The following GALM variants were observed in gnomAD, a reference collection of about 807,000 sequenced individuals.
GALM encodes the protein galactose mutarotase, also known as aldose 1-epimerase.
GALM carries 43 observed loss-of-function variants against 37.4 expected under a neutral mutation model. The ratio of observed to expected loss-of-function variants is 1.15; its 90% confidence interval spans 0.90 to 1.48. The LOEUF is 1.48. Ranked by LOEUF, GALM falls within the 40% of genes most tolerant of loss-of-function variation. The probability of loss-of-function intolerance (pLI) is 0.00; values close to 1 mark genes in which losing one functional copy is unlikely to be tolerated. For synonymous variants in GALM, 199 were observed against 170.6 expected (o/e 1.17, Z -1.30); for missense variants, 456 against 419.1 (o/e 1.09, Z -0.77).
At chr2:38,666,962 A>G (rs1292593291) in intron 1 of GALM, among the ~76,000 whole-genome samples, 1 of 152,166 alleles carries the variant, frequency 6.6e-6, no homozygotes, top group Non-Finnish European at 1.5e-5. Context: ...CCCAGAATCC[A>G]TGGGCAATTA....
rs772152653 is a variant in GALM, at chr2:38,666,148, G to A, written c.-14G>A. ...TGAAGAGCGGGCAGTGGCTGCACAC[G>A]CCAAACTTTCCCTATGGCTTCGGTG... On this transcript the variant is annotated 5_prime_UTR_variant, in exon 1 of 7. Coordinates refer to ENST00000272252, the MANE Select transcript of GALM (RefSeq NM_138801.3). 7 of 1,604,760 alleles carry A rather than the reference G, an allele frequency of 4.4e-6. No individual in the cohort carries two copies. Among genetic ancestry groups the A allele is most frequent in the Admixed American group, 1.7e-5 (1 of 59,104 alleles).
chr2:38,700,290 T>C (rs1196573332), intron 4 of GALM, among the ~76,000 whole-genome samples: 1 of 152,152 alleles, frequency 6.6e-6, no homozygotes, highest in African/African-American at 2.4e-5. Flanking sequence ...TTGTTGATTT[T>C]CTGTCTAGAT....
At chr2:38,680,842 T>C (rs1286106613) in intron 2 of GALM, among the ~76,000 whole-genome samples, 2 of 151,966 alleles carry the variant, frequency 1.3e-5, no homozygotes, top group East Asian at 3.9e-4. Context: ...TTTGTAATAA[T>C]TAAAATCCAG....
chr2:38,701,042 T>C (rs1665907194), intron 4 of GALM, among the ~76,000 whole-genome samples: 1 of 152,244 alleles, frequency 6.6e-6, no homozygotes, highest in Non-Finnish European at 1.5e-5. Context: ...ATGTCAGGCA[T>C]TTAGCTTCAG....
intron 4 of GALM, among the ~76,000 whole-genome samples, chr2:38,702,334 T>C (rs1233724756): frequency 6.6e-6 from 1 of 151,822 alleles, no homozygotes. Context: ...ATCAAAAAAA[T>C]AAAAATTTAA....
intron 4 of GALM, among the ~76,000 whole-genome samples, chr2:38,710,212 G>A (rs1016494223): frequency 2.0e-5 from 3 of 152,176 alleles, no homozygotes; most frequent in Non-Finnish European, 4.4e-5. Context: ...CTGGATCTAT[G>A]TGTCTAACAA....
rs1036419001 is a variant in GALM, at chr2:38,718,199, T to TTC, written c.635-11356_635-11355insCT. Among the ~76,000 whole-genome samples the TTC allele has an allele frequency of 1.0e-4, 15 of 147,002 alleles. 1 individual carries two copies. The highest frequency in any genetic ancestry group is 4.5e-4 in the South Asian group (2 of 4,434). On this transcript the variant is annotated intron_variant, in intron 4 of 6. Transcript: ENST00000272252. ...CAAGTATTTCTTTTTTTCTTTTCTT[T>TTC]TTTTTTTTTTTTCTTTTTGAGATGG...
chr2:38,727,159 T>G (rs1666503228), intron 4 of GALM, among the ~76,000 whole-genome samples: 1 of 146,412 alleles, frequency 6.8e-6, no homozygotes, highest in African/African-American at 2.5e-5. Flanking sequence ...GAGATTGCAG[T>G]GAGCCAAGGT....
intron 4 of GALM, among the ~76,000 whole-genome samples, chr2:38,690,966 C>T (rs559160997): frequency 9.9e-5 from 15 of 152,136 alleles, no homozygotes; most frequent in Non-Finnish European, 2.1e-4. Context: ...GGCTCCAGGG[C>T]TGAGTTTAAA....
chr2:38,708,644 G>A (rs1374671774), intron 4 of GALM, among the ~76,000 whole-genome samples: 1 of 151,212 alleles, frequency 6.6e-6, no homozygotes, highest in Non-Finnish European at 1.5e-5. Flanking sequence ...AGGAAGAATG[G>A]CATGAACCCG....
intron 4 of GALM, among the ~76,000 whole-genome samples, chr2:38,698,856 C>T (rs1447476578): frequency 6.6e-6 from 1 of 152,188 alleles, no homozygotes; most frequent in African/African-American, 2.4e-5. Flanking sequence ...AGTGATCCTC[C>T]CACCTCGGCC....
rs1261264224 is a variant in GALM, at chr2:38,734,579, GCA to G, written c.*1017_*1018del. On this transcript the variant is annotated 3_prime_UTR_variant, in exon 7 of 7. Coordinates refer to ENST00000272252, the MANE Select transcript of GALM (RefSeq NM_138801.3). ...TGAGGAGAGAGCCTTGCCTTTCACAGCACAGTGAGGATGACATTGCACCAGGG... is the reference window on the plus strand; with the variant it reads ...TGAGGAGAGAGCCTTGCCTTTCACAGCAGTGAGGATGACATTGCACCAGGG... 6.6e-6 allele frequency: 1 copy of G among 151,294 alleles called. No homozygotes were observed. The highest frequency in any genetic ancestry group is 6.6e-5 in the Admixed American group (1 of 15,128). 9.4% of individuals were successfully genotyped at this position (151,294 alleles called of 1,614,324 possible).
chr2:38,673,765 G>A (rs1481385776), intron 1 of GALM, among the ~76,000 whole-genome samples: 1 of 148,708 alleles, frequency 6.7e-6, no homozygotes, highest in Admixed American at 6.8e-5. Context: ...AGTTGAGATC[G>A]TGCCACTGTA....
chr2:38,727,363 G>A (rs545208044), intron 4 of GALM, among the ~76,000 whole-genome samples: 1 of 152,250 alleles, frequency 6.6e-6, no homozygotes, highest in African/African-American at 2.4e-5. Context: ...TCCTGAGGCT[G>A]TATGTGAACT....
In GALM at chr2:38,733,854, T is replaced by C. The variant is rs187174408; in HGVS notation, c.*289T>C. On this transcript the variant is annotated 3_prime_UTR_variant, in exon 7 of 7. Coordinates refer to ENST00000272252, the MANE Select transcript of GALM (RefSeq NM_138801.3). Reference sequence around the variant, plus strand: ...CTAGCCAGGGACTCCCATGCTGCTGTTGGCTCCATCTCTCCACACTGCCTC... The same window carrying C: ...CTAGCCAGGGACTCCCATGCTGCTGCTGGCTCCATCTCTCCACACTGCCTC... 119 of 412,254 alleles carry C rather than the reference T, an allele frequency of 2.9e-4. 1 individual carries two copies. The East Asian group carries it at 5.6e-3, about 19-fold the overall frequency. 25.5% of individuals were successfully genotyped at this position (412,254 alleles called of 1,614,324 possible). A position where few individuals can be genotyped will look rare whatever the true frequency, so the allele number is the denominator to read the frequency against.
intron 4 of GALM, among the ~76,000 whole-genome samples, chr2:38,703,935 G>A (rs1248214719): frequency 6.6e-6 from 1 of 151,946 alleles, no homozygotes; most frequent in African/African-American, 2.4e-5. Flanking sequence ...GAATTGCTTT[G>A]AACCCAGGAG....
At chr2:38,699,004 C>T (rs1219059038) in intron 4 of GALM, among the ~76,000 whole-genome samples, 1 of 152,176 alleles carries the variant, frequency 6.6e-6, no homozygotes, top group Non-Finnish European at 1.5e-5. Context: ...ACCTCCGCCT[C>T]CTGGGTTCAA....
At position 38,733,950 on chromosome 2, in the gene GALM, A is replaced by T; in HGVS notation, c.*385A>T. On this transcript the variant is annotated 3_prime_UTR_variant, in exon 7 of 7. Transcript: ENST00000272252. ...CATTGCTTTTATTTCCTCCTCCTTC[A>T]CCTCCAACCACTGTCAGCAGCACTC... 2 of 283,666 alleles carry T rather than the reference A, an allele frequency of 7.1e-6. No individual in the cohort carries two copies. Among genetic ancestry groups the T allele is most frequent in the South Asian group, 3.9e-5 (1 of 25,924 alleles). The allele number at this position is 283,666 out of a possible 1,614,324, so 17.6% of individuals were successfully genotyped here.
At position 38,681,326 on chromosome 2, in the gene GALM, G is replaced by C. The variant is rs114743178; in HGVS notation, c.392G>C (p.Arg131Pro). The change falls in exon 3 of 7, where the codon CGC becomes CCC. Residue 131 changes from arginine to proline, a missense_variant. Arg to Pro is a moderately radical substitution (Grantham distance 103, BLOSUM62 -2). Transcript: ENST00000272252. The stretch of plus-strand genomic sequence containing the variant: ...CTGTCAAATGGCGTCCAGTTCTCGC[G>C]CATCAGTCCAGATGGTGAAGAAGGC... ...RVLSNGVQFS[R>P]ISPDGEEGYP... is the part of the protein sequence containing the mutation. 1 of 1,613,872 alleles carries C rather than the reference G, an allele frequency of 6.2e-7. No individual in the cohort carries two copies. Among genetic ancestry groups the C allele is most frequent in the East Asian group, 2.2e-5 (1 of 44,888 alleles).
Sources: gnomAD v4.1 joint callset for allele counts (sites outside exome capture counted in the v4.1 genomes callset) on GRCh38, gnomAD v4.1.1 for gene constraint, MANE v1.5 for transcripts, NCBI Gene and HGNC (gene_info 2026-07-23, HGNC 2026-07-21) for gene names.